SERP2: variants seen among roughly 807,000 people sequenced by gnomAD.
SERP2 encodes stress associated endoplasmic reticulum protein family member 2, also known as stress-associated endoplasmic reticulum protein 2.
Under a neutral mutation model 9.1 loss-of-function variants are expected in SERP2, and 6 were observed. The ratio of observed to expected loss-of-function variants is 0.66; its 90% CI spans 0.36 to 1.30. The LOEUF (loss-of-function observed/expected upper bound fraction) is 1.30, where lower values mean the gene tolerates loss of function less well. SERP2 is among the 50% of genes most tolerant of loss of function. SERP2 has a pLI of 0.03. For synonymous variants in SERP2, 37 were observed against 27.3 expected, an observed-to-expected ratio of 1.35 and a Z score of -1.10; for missense variants, 58 against 81.9, an observed-to-expected ratio of 0.71 and a Z score of 1.13.
chr13:44,378,669 G>GT lies in SERP2; in HGVS notation c.85-962dup, dbSNP rs576538543. ...AATAATTAGTGAGTTCTTTGTTGTT[G>GT]TTTTTTTTTTCACTCTCCCATTCTA... On this transcript the variant is annotated intron_variant, in intron 1 of 2. Coordinates refer to ENST00000379179, the MANE Select transcript of SERP2 (RefSeq NM_001010897.3). 1.6e-3 allele frequency among the ~76,000 whole-genome samples: 234 copies of GT among 145,952 alleles called. 1 individual carries two copies. Among genetic ancestry groups the GT allele is most frequent in the Admixed American group, 3.1e-3 (46 of 14,690 alleles).
intron 1 of SERP2, among the ~76,000 whole-genome samples, chr13:44,375,240 G>T (rs912565437): frequency 1.3e-5 from 2 of 152,108 alleles, no homozygotes; most frequent in East Asian, 1.9e-4. Context: ...TAAGCAAAAA[G>T]CTAGATCTGT....
At chr13:44,382,855 A>G (rs986915441) in intron 2 of SERP2, among the ~76,000 whole-genome samples, 2 of 152,224 alleles carry the variant, frequency 1.3e-5, no homozygotes, top group Non-Finnish European at 2.9e-5. Context: ...GGAGAGGCAG[A>G]TAAGGAAGCT....
chr13:44,394,993 C>T (rs553032499), intron 2 of SERP2, among the ~76,000 whole-genome samples: 3 of 152,250 alleles, frequency 2.0e-5, no homozygotes, highest in Admixed American at 2.0e-4. Context: ...TGTCCAGTCA[C>T]ACAGCTTTTC....
At chr13:44,394,323 C>T (rs762297948) in intron 2 of SERP2, among the ~76,000 whole-genome samples, 3 of 152,084 alleles carry the variant, frequency 2.0e-5, no homozygotes, top group African/African-American at 2.4e-5. Context: ...CGGGATTTCA[C>T]CATGTTGGCC....
At chr13:44,384,819 ATCT>A (rs1234782190) in intron 2 of SERP2, among the ~76,000 whole-genome samples, 2 of 152,226 alleles carry the variant, frequency 1.3e-5, no homozygotes, top group African/African-American at 4.8e-5. Flanking sequence ...AAAAGGCGAA[ATCT>A]TCTAATATTA....
chr13:44,397,151 C>T (rs1234333570), intron 2 of SERP2, 121 bp from the exon 3 acceptor site: 1 of 762,960 alleles, frequency 1.3e-6, no homozygotes, highest in Non-Finnish European at 2.3e-6. Flanking sequence ...TAGGAAATAT[C>T]TAATCAGCTG....
intron 1 of SERP2, among the ~76,000 whole-genome samples, chr13:44,374,966 C>A (rs1247477024): frequency 1.3e-5 from 2 of 152,128 alleles, no homozygotes; most frequent in African/African-American, 4.8e-5. Flanking sequence ...AAAACCTGTG[C>A]CTTACACTCA....
In SERP2 at chr13:44,397,430, C is replaced by G. The variant is rs553459263; in HGVS notation, c.*118C>G. On this transcript the variant is annotated 3_prime_UTR_variant, in exon 3 of 3. Coordinates refer to ENST00000379179, the MANE Select transcript of SERP2 (RefSeq NM_001010897.3). ...CACGGAATAGAAAAAAACGCTCCCC[C>G]ACTTGTTCCCTGATCACTTCATCGT... 46 of 763,556 alleles carry G rather than the reference C, an allele frequency of 6.0e-5. No individual in the cohort carries two copies. The highest frequency in any genetic ancestry group is 1.0e-4 in the Non-Finnish European group (44 of 442,094). The allele number at this position is 763,556 out of a possible 1,614,324, so 47.3% of individuals were successfully genotyped here. A position where few individuals can be genotyped will look rare whatever the true frequency, so the allele number is the denominator to read the frequency against.
intron 1 of SERP2, among the ~76,000 whole-genome samples, chr13:44,377,427 G>GTC (rs1871722149): frequency 6.6e-6 from 1 of 152,234 alleles, no homozygotes; most frequent in African/African-American, 2.4e-5. Context: ...AAGGGCGAAT[G>GTC]TCACACTTTG....
chr13:44,376,967 T>G (rs1871693605), intron 1 of SERP2, among the ~76,000 whole-genome samples: 1 of 152,210 alleles, frequency 6.6e-6, no homozygotes. Flanking sequence ...GTAAACCATG[T>G]CATTTGCAGA....
chr13:44,385,377 C>T (rs1872255463), intron 2 of SERP2, among the ~76,000 whole-genome samples: 2 of 152,220 alleles, frequency 1.3e-5, no homozygotes, highest in South Asian at 2.1e-4. Context: ...GGGAATGCCA[C>T]CCCTCACTGC....
At position 44,397,407 on chromosome 13, in the gene SERP2, C is replaced by A. The variant is rs1296035141; in HGVS notation, c.*95C>A. ...TTCTGCGGGAAACAAGCAGGCCACA[C>A]GGAATAGAAAAAAACGCTCCCCCAC... On this transcript the variant is annotated 3_prime_UTR_variant, in exon 3 of 3. Coordinates refer to ENST00000379179, the MANE Select transcript of SERP2 (RefSeq NM_001010897.3). The A allele has an allele frequency of 2.0e-6, 2 of 985,020 alleles. No homozygotes were observed. The highest frequency in any genetic ancestry group is 3.7e-5 in the Admixed American group (2 of 54,106). 61.0% of individuals were successfully genotyped at this position (985,020 alleles called of 1,614,324 possible).
intron 2 of SERP2, among the ~76,000 whole-genome samples, chr13:44,383,548 T>TCG (rs1555258986): frequency 7.7e-6 from 1 of 130,226 alleles, no homozygotes; most frequent in South Asian, 2.6e-4. Context: ...GTTTGCGTTT[T>TCG]TTTTGTTTTT....
chr13:44,376,949 T>C (rs754701164), intron 1 of SERP2, among the ~76,000 whole-genome samples: 2 of 152,232 alleles, frequency 1.3e-5, no homozygotes, highest in Non-Finnish European at 2.9e-5. Context: ...AGCAAACTCA[T>C]GTTTGGAGTA....
chr13:44,390,306 C>A, intron 2 of SERP2: 1 of 181,936 alleles, frequency 5.5e-6, no homozygotes, highest in African/African-American at 2.5e-5. Flanking sequence ...TCCCCACCCA[C>A]CCGCCCTGGA....
At chr13:44,390,610 C>T (rs1299429686) in intron 2 of SERP2, 2 of 303,830 alleles carry the variant, frequency 6.6e-6, no homozygotes, top group Non-Finnish European at 1.3e-5. Context: ...GCCCTGGGGG[C>T]ATTTGGGATT....
Position 44,397,581 on chromosome 13 carries a change from T to C in SERP2, c.*269T>C, listed in dbSNP as rs7334445. 497,951 of 513,146 alleles carry C rather than the reference T, an allele frequency of 0.97. 242,257 individuals carry two copies. Among genetic ancestry groups the C allele is most frequent in the Non-Finnish European group, 1 (283,722 of 284,220 alleles). The allele number at this position is 513,146 out of a possible 1,614,324, so 31.8% of individuals were successfully genotyped here. On this transcript the variant is annotated 3_prime_UTR_variant, in exon 3 of 3. Coordinates refer to ENST00000379179, the MANE Select transcript of SERP2 (RefSeq NM_001010897.3). Reference sequence around the variant, plus strand: ...CGCGGGTCGTCCGCAGCAGTGCTGTTTTTTTGGTTTTTCCCTTGGTTTCAC... The same window carrying C: ...CGCGGGTCGTCCGCAGCAGTGCTGTCTTTTTGGTTTTTCCCTTGGTTTCAC...
intron 2 of SERP2, among the ~76,000 whole-genome samples, chr13:44,381,701 C>T (rs149868137): frequency 2.3e-3 from 347 of 152,264 alleles, no homozygotes; most frequent in Middle Eastern, 6.8e-3. Context: ...TGCAGCACAT[C>T]CTTGACTCAC....
chr13:44,391,841 A>C (rs987038769), intron 2 of SERP2, among the ~76,000 whole-genome samples: 13 of 151,894 alleles, frequency 8.6e-5, no homozygotes, highest in African/African-American at 3.2e-4. Context: ...TGAAGACATT[A>C]AATTTTGGTT....
Sources: allele counts gnomAD v4.1 joint callset (sites outside exome capture counted in the v4.1 genomes callset), GRCh38; gene constraint gnomAD v4.1.1; transcripts MANE v1.5; gene names NCBI Gene and HGNC (gene_info 2026-07-23, HGNC 2026-07-21).